SERBP1: variants seen among roughly 807,000 people sequenced by gnomAD.
SERBP1 encodes the protein SERPINE1 mRNA binding protein 1.
A neutral mutation model predicts 50.2 loss-of-function variants in SERBP1; 6 were observed. The observed-to-expected ratio is 0.12, with a 90% confidence interval of 0.07 to 0.24. The LOEUF is 0.24. SERBP1 is among the 10% of genes least tolerant of loss of function. The pLI is 1.00. For synonymous variants in SERBP1, 168 were observed against 182.8 expected (o/e 0.92, Z 0.65); for missense variants, 346 against 524.9 (o/e 0.66, Z 3.33).
At chr1:67,429,782 G>T in intron 1 of SERBP1, 1 of 560,594 alleles carries the variant, frequency 1.8e-6, no homozygotes, top group Non-Finnish European at 3.1e-6. Context: ...ATGGCTCCGA[G>T]AACCTCGCCG....
intron 6 of SERBP1, among the ~76,000 whole-genome samples, chr1:67,418,599 A>G (rs1667102549): frequency 6.6e-6 from 1 of 152,008 alleles, no homozygotes; most frequent in Non-Finnish European, 1.5e-5. Context: ...TCTCTACTAA[A>G]AACACAAACA....
intron 1 of SERBP1, among the ~76,000 whole-genome samples, chr1:67,429,136 A>C (rs572207356): frequency 6.6e-6 from 1 of 152,058 alleles, no homozygotes; most frequent in African/African-American, 2.4e-5. Context: ...TGCGAACTCT[A>C]AAGAGCTCTG....
chr1:67,429,957 C>A, intron 1 of SERBP1, 31 bp downstream of exon 1: 1 of 1,556,796 alleles, frequency 6.4e-7, no homozygotes, highest in South Asian at 1.2e-5. Flanking sequence ...CCCTCCATCC[C>A]AGTCTCCCCC....
intron 6 of SERBP1, among the ~76,000 whole-genome samples, chr1:67,418,621 TG>T (rs948582370): frequency 6.6e-6 from 1 of 151,974 alleles, no homozygotes; most frequent in African/African-American, 2.4e-5. Flanking sequence ...TATCCGGGCA[TG>T]GTGGCGAGTG....
chr1:67,422,880 G>T (rs1381159239), intron 5 of SERBP1, among the ~76,000 whole-genome samples: 1 of 152,122 alleles, frequency 6.6e-6, no homozygotes, highest in Non-Finnish European at 1.5e-5. Flanking sequence ...AGAATCGTTT[G>T]AACCCAGGGG....
At chr1:67,420,870 A>G (rs1282936690) in intron 5 of SERBP1, among the ~76,000 whole-genome samples, 1 of 152,268 alleles carries the variant, frequency 6.6e-6, no homozygotes, top group African/African-American at 2.4e-5. Context: ...ATTTCCAAAT[A>G]TAATTCTCAG....
intron 5 of SERBP1, among the ~76,000 whole-genome samples, 174 bp downstream of exon 5, chr1:67,424,026 A>G (rs1022668691): frequency 6.6e-6 from 1 of 152,232 alleles, no homozygotes; most frequent in Non-Finnish European, 1.5e-5. Flanking sequence ...CTATTAAAAA[A>G]AGAAAAAAAA....
chr1:67,429,444 T>A (rs1667492138), intron 1 of SERBP1: 1 of 152,516 alleles, frequency 6.6e-6, no homozygotes, highest in Non-Finnish European at 1.5e-5. Context: ...ACCTGCAGCT[T>A]ACTCCACACG....
At chr1:67,426,376 C>A in intron 1 of SERBP1, 91 bp from the exon 2 acceptor site, 1 of 1,290,030 alleles carries the variant, frequency 7.8e-7, no homozygotes, top group East Asian at 2.6e-5. Context: ...CTCTTCCAAT[C>A]CACTACCATT....
At chr1:67,421,084 T>C (rs1447426222) in intron 5 of SERBP1, among the ~76,000 whole-genome samples, 1 of 152,112 alleles carries the variant, frequency 6.6e-6, no homozygotes, top group Non-Finnish European at 1.5e-5. Context: ...TGCCCTTTAC[T>C]GTTTGACAAA....
Position 67,409,595 on chromosome 1 carries a change from T to C in SERBP1, c.*3612A>G, listed in dbSNP as rs547772522. 63 of 152,266 alleles carry C rather than the reference T, an allele frequency of 4.1e-4. No individual in the cohort carries two copies. Among genetic ancestry groups the C allele is most frequent in the African/African-American group, 1.3e-3 (54 of 41,560 alleles). The allele number at this position is 152,266 out of a possible 1,614,324, so 9.4% of individuals were successfully genotyped here. A position where few individuals can be genotyped will look rare whatever the true frequency, so the allele number is the denominator to read the frequency against. ...TAAACTTAAGCTTCTCATGTTTAGA[T>C]TACAACCTTGTTTTCACTATATTCT... is the stretch of plus-strand genomic sequence containing the variant. On this transcript the variant is annotated 3_prime_UTR_variant, in exon 8 of 8. Coordinates refer to ENST00000361219, the MANE Select transcript of SERBP1 (RefSeq NM_001018069.2).
chr1:67,417,754 G>A (rs932678270), intron 6 of SERBP1, among the ~76,000 whole-genome samples: 3 of 151,852 alleles, frequency 2.0e-5, no homozygotes, highest in African/African-American at 7.3e-5. Flanking sequence ...TCAACAATCT[G>A]CCCACCTCAG....
chr1:67,430,373 T>C lies in SERBP1; in HGVS notation c.-73A>G. The C allele has an allele frequency of 6.9e-7, 1 of 1,441,006 alleles. No individual in the cohort carries two copies. Among genetic ancestry groups the C allele is most frequent in the East Asian group, 2.4e-5 (1 of 40,962 alleles). The allele number at this position is 1,441,006 out of a possible 1,614,324, so 89.3% of individuals were successfully genotyped here. A position where few individuals can be genotyped will look rare whatever the true frequency, so the allele number is the denominator to read the frequency against. ...CCGAGCCAAGAGCGCCTGCTTCAGC[T>C]CTTCCCACAAGATGGCCGGGCCGAG... On this transcript the variant is annotated 5_prime_UTR_variant, in exon 1 of 8. Coordinates refer to ENST00000361219, the MANE Select transcript of SERBP1 (RefSeq NM_001018069.2).
At position 67,426,271 on chromosome 1, in the gene SERBP1, C is replaced by A; in HGVS notation, c.328G>T (p.Gly110Ter). ...TGAAGTTGTTGATCAGGTCTTCTTC[C>A]AACTCGTCTTATTCCTAAAACGATA... ...ALKKEGIRRVGRRPDQQLQGE... is the reference protein window; with the variant it reads ...ALKKEGIRRV The change falls in exon 2 of 8, where the codon GGA becomes TGA. Residue 110 changes from glycine to a stop codon, truncating the protein, a stop_gained. Transcript: ENST00000361219. LOFTEE classifies it high-confidence loss of function. 6.3e-7 allele frequency: 1 copy of A among 1,590,896 alleles called. No homozygotes were observed. Among genetic ancestry groups the A allele is most frequent in the South Asian group, 1.1e-5 (1 of 87,188 alleles).
In SERBP1 at chr1:67,411,233, G is replaced by A. The variant is rs1200649351; in HGVS notation, c.*1974C>T. On this transcript the variant is annotated 3_prime_UTR_variant, in exon 8 of 8. Transcript: ENST00000361219. ...GAAAGCTTGCAACATACCAGATATT[G>A]CTATGTTGTCTCTCACGACAGCAAT... is the stretch of plus-strand genomic sequence containing the variant. 1.3e-5 allele frequency: 2 copies of A among 152,100 alleles called. No homozygotes were observed. The highest frequency in any genetic ancestry group is 2.9e-5 in the Non-Finnish European group (2 of 67,994). 9.4% of individuals were successfully genotyped at this position (152,100 alleles called of 1,614,324 possible). A position where few individuals can be genotyped will look rare whatever the true frequency, so the allele number is the denominator to read the frequency against.
At chr1:67,417,402 T>C (rs901188998) in intron 6 of SERBP1, 3 of 152,204 alleles carry the variant, frequency 2.0e-5, no homozygotes, top group Non-Finnish European at 4.4e-5. Context: ...TTTTATATAA[T>C]GGACATGAGC....
In SERBP1 at chr1:67,408,014, A is replaced by G. The variant is rs1359159472; in HGVS notation, c.*5193T>C. 1 of 152,212 alleles carries G rather than the reference A, an allele frequency of 6.6e-6. No individual in the cohort carries two copies. Among genetic ancestry groups the G allele is most frequent in the African/African-American group, 2.4e-5 (1 of 41,448 alleles). 9.4% of individuals were successfully genotyped at this position (152,212 alleles called of 1,614,324 possible). ...CCTAAAATCTAGAACTGAATCAGCT[A>G]CAACTGCAAACAAGGTGATTAGTGC... On this transcript the variant is annotated 3_prime_UTR_variant, in exon 8 of 8. Transcript: ENST00000361219.
intron 6 of SERBP1, among the ~76,000 whole-genome samples, chr1:67,415,701 C>T (rs1570282286): frequency 6.6e-6 from 1 of 152,146 alleles, no homozygotes; most frequent in African/African-American, 2.4e-5. Context: ...ATCAGGACTG[C>T]CATGTGAATC....
intron 5 of SERBP1, among the ~76,000 whole-genome samples, chr1:67,420,964 A>C (rs752502437): frequency 5.3e-5 from 8 of 152,198 alleles, no homozygotes; most frequent in Admixed American, 1.3e-4. Context: ...GTATAATCTC[A>C]ATCTGCAATT....
Sources: allele counts gnomAD v4.1 joint callset (sites outside exome capture counted in the v4.1 genomes callset), GRCh38; gene constraint gnomAD v4.1.1; transcripts MANE v1.5; gene names NCBI Gene and HGNC (gene_info 2026-07-23, HGNC 2026-07-21).